OCIAD1: variants seen among roughly 807,000 people sequenced by gnomAD.
OCIAD1 encodes the protein OCIA domain-containing protein 1.
A neutral mutation model predicts 38.9 loss-of-function variants in OCIAD1; 29 were observed. That is an observed-to-expected ratio of 0.74 (90% CI 0.55 to 1.02). The LOEUF (loss-of-function observed/expected upper bound fraction) is 1.02, where lower values mean the gene tolerates loss of function less well. Ranked by LOEUF, OCIAD1 falls within the 50% of genes least tolerant of loss-of-function variation. OCIAD1 has a pLI of 0.00. For synonymous variants in OCIAD1, 110 were observed against 92.0 expected (o/e 1.20, Z -1.12); for missense variants, 288 against 289.6 (o/e 0.99, Z 0.04).
rs995494273 is a variant in OCIAD1 at position 48,816,708 on chromosome 4, C to T, written c.-103+11378C>T. Among the ~76,000 whole-genome samples, 8 of 152,136 alleles carry T rather than the reference C, an allele frequency of 5.3e-5. No individual in the cohort carries two copies. The East Asian group carries it at 7.7e-4, about 15-fold the overall frequency. ...AACGGTGGCAGGGCACCGTGGCTCA[C>T]GCCTGTAACCCCAGCACTTTGGGAG... On this transcript the variant is annotated intron_variant, in intron 1 of 6. Coordinates refer to the OCIAD1 transcript ENST00000504654.
chr4:48,858,360 G>A (rs1238726431), intron 8 of OCIAD1, among the ~76,000 whole-genome samples: 6 of 152,170 alleles, frequency 3.9e-5, no homozygotes, highest in Non-Finnish European at 8.8e-5. Flanking sequence ...TTGGCGTTGC[G>A]CTGTAATACC....
At chr4:48,830,227 C>A (rs1777369623), upstream of OCIAD1, among the ~76,000 whole-genome samples, 1 of 152,184 alleles carries the variant, frequency 6.6e-6, no homozygotes, top group Admixed American at 6.5e-5. Flanking sequence ...AGGAAGGAAA[C>A]ACAGCGTTGG....
At chr4:48,815,475 C>T (rs1777135298) in intron 1 of OCIAD1, among the ~76,000 whole-genome samples, 1 of 152,120 alleles carries the variant, frequency 6.6e-6, no homozygotes, top group Non-Finnish European at 1.5e-5. Flanking sequence ...TTTGGAATGA[C>T]CTGCAAAACC....
chr4:48,817,263 C>T lies in OCIAD1; in HGVS notation c.-103+11933C>T, dbSNP rs191760039. Among the ~76,000 whole-genome samples the T allele has an allele frequency of 2.0e-3, 308 of 152,054 alleles. 1 individual carries two copies. Among genetic ancestry groups the T allele is most frequent in the African/African-American group, 7.0e-3 (290 of 41,466 alleles). On this transcript the variant is annotated intron_variant, in intron 1 of 6. Transcript: ENST00000504654. Reference sequence around the variant, plus strand: ...CAGCTGGGTTACTACACTTTTTCCACGGTTTTTGCAATCTGCAGATCAGGA... The same window carrying T: ...CAGCTGGGTTACTACACTTTTTCCATGGTTTTTGCAATCTGCAGATCAGGA...
intron 1 of OCIAD1, among the ~76,000 whole-genome samples, chr4:48,806,229 T>C (rs1560405042): frequency 6.6e-6 from 1 of 152,192 alleles, no homozygotes; most frequent in Non-Finnish European, 1.5e-5. Flanking sequence ...ATCACGCCCC[T>C]GTGCTCCAGC....
At chr4:48,851,723 A>G (rs1385527807) in intron 6 of OCIAD1, 83 bp from the exon 7 acceptor site, 2 of 699,558 alleles carry the variant, frequency 2.9e-6, no homozygotes, top group East Asian at 5.7e-5. Context: ...GAAATAAGCT[A>G]TATGAAAGAA....
chr4:48,855,061 T>A (rs1779900636), intron 7 of OCIAD1, among the ~76,000 whole-genome samples: 1 of 152,212 alleles, frequency 6.6e-6, no homozygotes. Context: ...TGATGTATAT[T>A]TTCATTATTT....
At position 48,805,637 on chromosome 4, in the gene OCIAD1, T is replaced by A. The variant is rs187559050; in HGVS notation, c.-103+307T>A. Reference sequence around the variant, plus strand: ...AGTTCAAGACTGCAGTGAGCTGTGATTGGGCCATTGTACTCCAGCCTGGGT... The same window carrying A: ...AGTTCAAGACTGCAGTGAGCTGTGAATGGGCCATTGTACTCCAGCCTGGGT... On this transcript the variant is annotated intron_variant, in intron 1 of 6. Coordinates refer to the OCIAD1 transcript ENST00000504654. 5.1e-3 allele frequency among the ~76,000 whole-genome samples: 779 copies of A among 152,108 alleles called. 4 individuals carry two copies. The highest frequency in any genetic ancestry group is 0.027 in the Middle Eastern group (8 of 294).
upstream of OCIAD1, among the ~76,000 whole-genome samples, chr4:48,828,722 C>T (rs542681566): frequency 2.9e-4 from 44 of 152,258 alleles, no homozygotes; most frequent in South Asian, 6.2e-4. Flanking sequence ...AGCAAGACCA[C>T]GAACCCACCA....
intron 7 of OCIAD1, among the ~76,000 whole-genome samples, chr4:48,853,134 C>T (rs1779688798): frequency 6.6e-6 from 1 of 152,000 alleles, no homozygotes; most frequent in Non-Finnish European, 1.5e-5. Context: ...CCGCCTCGGC[C>T]TCCCAAAGTG....
chr4:48,850,749 A>G (rs2109587598), intron 6 of OCIAD1, among the ~76,000 whole-genome samples: 1 of 151,974 alleles, frequency 6.6e-6, no homozygotes, highest in Admixed American at 6.6e-5. Flanking sequence ...AATTTTTTGT[A>G]TTTTTTGAAG....
chr4:48,814,216 A>G (rs1183047316), intron 1 of OCIAD1, among the ~76,000 whole-genome samples: 1 of 151,844 alleles, frequency 6.6e-6, no homozygotes, highest in African/African-American at 2.4e-5. Flanking sequence ...AGCACTGTAG[A>G]AAGGGTCACC....
intron 7 of OCIAD1, 41 bp downstream of exon 7, chr4:48,852,016 C>G: frequency 1.3e-6 from 2 of 1,494,156 alleles, no homozygotes; most frequent in Non-Finnish European, 1.8e-6. Context: ...ATTTTATGGT[C>G]CAACGTATGT....
At chr4:48,857,412 TA>T in intron 8 of OCIAD1, 47 bp downstream of exon 8, 2 of 1,252,642 alleles carry the variant, frequency 1.6e-6, no homozygotes, top group Non-Finnish European at 1.1e-6. Flanking sequence ...GATTGGAAAC[TA>T]AAACATTACT....
rs1780562484 is a variant in OCIAD1 at position 48,861,067 on chromosome 4, C to G, written c.*305C>G. 2 of 289,226 alleles carry G rather than the reference C, an allele frequency of 6.9e-6. No homozygotes were observed. Among genetic ancestry groups the G allele is most frequent in the South Asian group, 1.1e-4 (1 of 9,066 alleles). The allele number at this position is 289,226 out of a possible 1,614,324, so 17.9% of individuals were successfully genotyped here. ...AAAAAACCGTCGAGATTACAATGCT[C>G]TAGAATCAGCATATAAGAAAATAAA... On this transcript the variant is annotated 3_prime_UTR_variant, in exon 9 of 9. Transcript: ENST00000264312.
chr4:48,818,465 GA>G (rs34480253), intron 1 of OCIAD1, among the ~76,000 whole-genome samples: 1 of 152,160 alleles, frequency 6.6e-6, no homozygotes, highest in Non-Finnish European at 1.5e-5. Context: ...CGAAGATGAG[GA>G]AAAAGCAGTG....
intron 4 of OCIAD1, among the ~76,000 whole-genome samples, chr4:48,843,630 A>G (rs1778723031): frequency 6.6e-6 from 1 of 152,210 alleles, no homozygotes; most frequent in East Asian, 1.9e-4. Flanking sequence ...TTAAACATAG[A>G]AGCGAGTCAA....
At chr4:48,843,707 AAACAAC>A (rs111373676) in intron 4 of OCIAD1, among the ~76,000 whole-genome samples, 6 of 152,046 alleles carry the variant, frequency 3.9e-5, no homozygotes, top group African/African-American at 9.7e-5. Context: ...CTGTATTGTG[AAACAAC>A]AACAACAACA....
chr4:48,848,525 T>C, intron 5 of OCIAD1, 79 bp downstream of exon 5: 1 of 671,980 alleles, frequency 1.5e-6, no homozygotes, highest in Non-Finnish European at 2.5e-6. Context: ...TTTTATCATG[T>C]CTTACTCATA....
Sources: gnomAD v4.1 joint callset for allele counts (sites outside exome capture counted in the v4.1 genomes callset) on GRCh38, gnomAD v4.1.1 for gene constraint, MANE v1.5 for transcripts, NCBI Gene and HGNC (gene_info 2026-07-23, HGNC 2026-07-21) for gene names.